ATP2B2: variants seen among roughly 807,000 people sequenced by gnomAD.
The protein encoded by ATP2B2 is ATPase plasma membrane Ca2+ transporting 2.
A neutral mutation model predicts 120.0 loss-of-function variants in ATP2B2; 15 were observed. The observed-to-expected ratio is 0.12, with a 90% confidence interval of 0.08 to 0.19. ATP2B2 has a LOEUF of 0.19. Among genes scored for constraint, ATP2B2 ranks in the 10% least tolerant of loss-of-function variants. The probability of loss-of-function intolerance (pLI) is 1.00; values close to 1 mark genes in which losing one functional copy is unlikely to be tolerated. For synonymous variants in ATP2B2, 694 were observed against 700.3 expected, an observed-to-expected ratio of 0.99 and a Z score of 0.14; for missense variants, 1,045 against 1,719.8, an observed-to-expected ratio of 0.61 and a Z score of 6.94.
intron 5 of ATP2B2, among the ~76,000 whole-genome samples, chr3:10,390,746 C>T (rs990101982): frequency 6.6e-6 from 1 of 152,146 alleles, no homozygotes; most frequent in Non-Finnish European, 1.5e-5. Flanking sequence ...AAGGACAGTG[C>T]TTTTTTTCCC....
chr3:10,522,841 C>A (rs1021333527), intron 3 of ATP2B2, among the ~76,000 whole-genome samples: 1 of 152,178 alleles, frequency 6.6e-6, no homozygotes. Context: ...CTGGGGGTGA[C>A]CTTGGATGCC....
rs1257729803 is a variant in ATP2B2 at position 10,488,463 on chromosome 3, A to ATTCCTTCCTTCCTTCC, written c.-320+16986_-320+17001dup. Among the ~76,000 whole-genome samples, 637 of 95,760 alleles carry ATTCCTTCCTTCCTTCC rather than the reference A, an allele frequency of 6.7e-3. 14 individuals carry two copies. Among genetic ancestry groups the ATTCCTTCCTTCCTTCC allele is most frequent in the Middle Eastern group, 0.011 (2 of 184 alleles). The allele number at this position is 95,760 out of a possible 152,430, so 62.8% of individuals were successfully genotyped here. Reference sequence around the variant, plus strand: ...CATCCATCCATCCACCACCCTACAAATTCCTTCCTTCCTTCCTTCCTTCCT... The same window carrying ATTCCTTCCTTCCTTCC: ...CATCCATCCATCCACCACCCTACAAATTCCTTCCTTCCTTCCTTCCTTCCTTCCTTCCTTCCTTCCT... On this transcript the variant is annotated intron_variant, in intron 1 of 22. Coordinates refer to ENST00000360273, the MANE Select transcript of ATP2B2 (RefSeq NM_001001331.4).
At chr3:10,450,641 T>A (rs2064006357) in intron 1 of ATP2B2, among the ~76,000 whole-genome samples, 1 of 152,086 alleles carries the variant, frequency 6.6e-6, no homozygotes, top group Non-Finnish European at 1.5e-5. Flanking sequence ...GGTCCCAGTA[T>A]GAGTTCAGGT....
intron 1 of ATP2B2, among the ~76,000 whole-genome samples, chr3:10,661,840 C>A (rs2070789046): frequency 6.6e-6 from 1 of 152,332 alleles, no homozygotes; most frequent in Middle Eastern, 3.4e-3. Flanking sequence ...CACTACCTGA[C>A]TTCAAACTAT....
chr3:10,617,781 C>T (rs1019580341), intron 2 of ATP2B2, among the ~76,000 whole-genome samples: 1 of 151,990 alleles, frequency 6.6e-6, no homozygotes, highest in Non-Finnish European at 1.5e-5. Flanking sequence ...GCCTTCCCAT[C>T]TTGCCAGCAA....
At chr3:10,497,072 G>C (rs912622057) in intron 1 of ATP2B2, among the ~76,000 whole-genome samples, 7 of 152,254 alleles carry the variant, frequency 4.6e-5, no homozygotes, top group Admixed American at 1.3e-4. Flanking sequence ...GGCAGCTGTG[G>C]GCAGGGTGGG....
chr3:10,401,859 G>C (rs2062232067), intron 4 of ATP2B2, among the ~76,000 whole-genome samples: 1 of 152,218 alleles, frequency 6.6e-6, no homozygotes, highest in African/African-American at 2.4e-5. Flanking sequence ...TTGGAGAGTG[G>C]TAGCACATGT....
At chr3:10,389,198 G>A (rs78510501) in intron 5 of ATP2B2, among the ~76,000 whole-genome samples, 4,221 of 152,134 alleles carry the variant, frequency 0.028, 71 homozygotes, top group Middle Eastern at 0.065. Context: ...GGTGAAGGAG[G>A]CCTTTGGTCA....
chr3:10,566,251 C>T (rs11716807), intron 2 of ATP2B2: 39,985 of 152,092 alleles, frequency 0.26, 5,411 homozygotes, highest in South Asian at 0.38. Context: ...TTCAGAGACC[C>T]GGGGTAAGAG....
intron 1 of ATP2B2, among the ~76,000 whole-genome samples, chr3:10,452,431 G>T (rs1017528639): frequency 5.3e-5 from 8 of 152,222 alleles, no homozygotes; most frequent in African/African-American, 1.9e-4. Flanking sequence ...TTCAGGGTTG[G>T]ATGAGGCACT....
chr3:10,515,326 A>G (rs1433005807), intron 3 of ATP2B2, among the ~76,000 whole-genome samples: 1 of 152,180 alleles, frequency 6.6e-6, no homozygotes, highest in Non-Finnish European at 1.5e-5. Flanking sequence ...TTGCTTTTTC[A>G]TCTCTATTCT....
At chr3:10,502,460 G>C (rs974137617) in intron 1 of ATP2B2, among the ~76,000 whole-genome samples, 1 of 152,212 alleles carries the variant, frequency 6.6e-6, no homozygotes, top group Non-Finnish European at 1.5e-5. Flanking sequence ...GGAAAACCAG[G>C]GGCCAACACA....
At chr3:10,606,617 C>T (rs977082864) in intron 2 of ATP2B2, among the ~76,000 whole-genome samples, 5 of 152,024 alleles carry the variant, frequency 3.3e-5, no homozygotes, top group Admixed American at 6.6e-5. Flanking sequence ...GTGTGTGCAG[C>T]GGAGGTACAC....
intron 2 of ATP2B2, among the ~76,000 whole-genome samples, chr3:10,615,857 T>C (rs1465692452): frequency 6.6e-6 from 1 of 152,042 alleles, no homozygotes; most frequent in East Asian, 1.9e-4. Flanking sequence ...AAATTAATGT[T>C]TTCAGGATGA....
intron 2 of ATP2B2, among the ~76,000 whole-genome samples, chr3:10,608,991 C>A (rs937823770): frequency 6.6e-6 from 1 of 152,338 alleles, no homozygotes; most frequent in Middle Eastern, 3.4e-3. Flanking sequence ...TGCAAGCCAA[C>A]AGCAACCTTC....
intron 1 of ATP2B2, among the ~76,000 whole-genome samples, chr3:10,706,368 C>T (rs979925664): frequency 5.9e-5 from 9 of 152,154 alleles, no homozygotes; most frequent in African/African-American, 2.2e-4. Context: ...CTCTTCCTGG[C>T]GCCATGGCTG....
intron 2 of ATP2B2, among the ~76,000 whole-genome samples, chr3:10,558,464 G>C (rs150573367): frequency 7.9e-5 from 12 of 152,282 alleles, no homozygotes; most frequent in African/African-American, 2.9e-4. Flanking sequence ...GGAGGAGGGG[G>C]GCACTTTTAC....
At chr3:10,585,492 T>TCAAAAAAAAA (rs2068486700) in intron 2 of ATP2B2, among the ~76,000 whole-genome samples, 1 of 30,188 alleles carries the variant, frequency 3.3e-5, no homozygotes, top group African/African-American at 2.3e-4. Context: ...AGACTCCGTC[T>TCAAAAAAAAA]GAAAAAAAAA....
intron 1 of ATP2B2, among the ~76,000 whole-genome samples, chr3:10,643,995 G>A (rs1473817051): frequency 6.6e-6 from 1 of 152,202 alleles, no homozygotes; most frequent in African/African-American, 2.4e-5. Context: ...ACAACCTACA[G>A]AATGGGAGAA....
Sources: allele counts gnomAD v4.1 joint callset (sites outside exome capture counted in the v4.1 genomes callset), GRCh38; gene constraint gnomAD v4.1.1; transcripts MANE v1.5; gene names NCBI Gene and HGNC (gene_info 2026-07-23, HGNC 2026-07-21).